NRG3: variants seen among roughly 807,000 people sequenced by gnomAD.
NRG3 encodes neuregulin 3.
A neutral mutation model predicts 66.9 loss-of-function variants in NRG3; 31 were observed. The observed-to-expected ratio is 0.46, with a 90% confidence interval of 0.35 to 0.63. NRG3 has a LOEUF of 0.63. Ranked by LOEUF, NRG3 falls within the 20% of genes least tolerant of loss-of-function variation. NRG3 has a pLI of 0.00. For missense variants in NRG3, 910 were observed against 878.9 expected, an observed-to-expected ratio of 1.04 and a Z score of -0.45; for synonymous variants, 393 against 359.4, an observed-to-expected ratio of 1.09 and a Z score of -1.06.
intron 1 of NRG3, among the ~76,000 whole-genome samples, chr10:81,984,104 G>T (rs1234118033): frequency 6.6e-6 from 1 of 152,198 alleles, no homozygotes; most frequent in Non-Finnish European, 1.5e-5. Context: ...AGCAGGGAAA[G>T]AGTCTCCCTT....
chr10:82,837,160 G>T (rs910796123), intron 3 of NRG3, among the ~76,000 whole-genome samples: 8 of 152,100 alleles, frequency 5.3e-5, no homozygotes, highest in Non-Finnish European at 1.0e-4. Flanking sequence ...CATTTGGCTT[G>T]GTTCCAAGTC....
chr10:82,131,860 T>C (rs1443364051), intron 1 of NRG3, among the ~76,000 whole-genome samples: 1 of 152,172 alleles, frequency 6.6e-6, no homozygotes, highest in Non-Finnish European at 1.5e-5. Flanking sequence ...ATAGAAATGC[T>C]ATTGATGTGT....
intron 7 of NRG3, among the ~76,000 whole-genome samples, chr10:82,975,187 T>A (rs1290277358): frequency 6.6e-6 from 1 of 152,194 alleles, no homozygotes; most frequent in African/African-American, 2.4e-5. Context: ...TTTTCTTAAT[T>A]AGGGAAATAA....
intron 2 of NRG3, among the ~76,000 whole-genome samples, chr10:82,661,469 TAC>T (rs1265061894): frequency 6.6e-6 from 1 of 152,148 alleles, no homozygotes; most frequent in South Asian, 2.1e-4. Context: ...TATATATATA[TAC>T]AGAGAGGCAT....
At chr10:82,021,584 C>G (rs1029993734) in intron 1 of NRG3, among the ~76,000 whole-genome samples, 1 of 152,098 alleles carries the variant, frequency 6.6e-6, no homozygotes, top group Non-Finnish European at 1.5e-5. Flanking sequence ...AGAACTGTGT[C>G]TCACTTCAAA....
chr10:82,377,087 G>A lies in NRG3; in HGVS notation c.953+18219G>A, dbSNP rs76963275. Among the ~76,000 whole-genome samples the A allele has an allele frequency of 5.4e-3, 817 of 152,238 alleles. 7 individuals carry two copies. Among genetic ancestry groups the A allele is most frequent in the African/African-American group, 0.019 (795 of 41,548 alleles). ...CTTATTATTTAATGCTTATGTCTTT[G>A]ATTGATGTATATTTTTTATATTCTT... is the stretch of plus-strand genomic sequence containing the variant. On this transcript the variant is annotated intron_variant, in intron 2 of 8. Coordinates refer to ENST00000372141, the MANE Select transcript of NRG3 (RefSeq NM_001010848.4).
intron 1 of NRG3, among the ~76,000 whole-genome samples, chr10:82,183,642 G>A (rs1589240774): frequency 6.6e-6 from 1 of 152,190 alleles, no homozygotes; most frequent in Admixed American, 6.6e-5. Flanking sequence ...GTCTAATGCA[G>A]TGGTTCTCAA....
chr10:82,899,121 T>C (rs1843964380), intron 4 of NRG3, among the ~76,000 whole-genome samples: 1 of 152,078 alleles, frequency 6.6e-6, no homozygotes, highest in South Asian at 2.1e-4. Context: ...AATTTATTCA[T>C]AGGGTCCCTA....
chr10:82,600,745 G>A (rs2047573800), intron 2 of NRG3, among the ~76,000 whole-genome samples: 1 of 152,104 alleles, frequency 6.6e-6, no homozygotes, highest in African/African-American at 2.4e-5. Flanking sequence ...TGGAATTACA[G>A]GCCTGAGCCA....
chr10:82,318,861 G>A (rs1236382972), intron 1 of NRG3, among the ~76,000 whole-genome samples: 2 of 152,154 alleles, frequency 1.3e-5, no homozygotes, highest in Non-Finnish European at 2.9e-5. Flanking sequence ...TTGAGTGGCA[G>A]CTCAATAAAT....
chr10:82,467,710 G>A (rs56304721), intron 2 of NRG3, among the ~76,000 whole-genome samples: 20,232 of 152,184 alleles, frequency 0.13, 1,503 homozygotes, highest in Admixed American at 0.21. Flanking sequence ...ATGAGCTAAG[G>A]CATTCATGCT....
At chr10:81,889,307 C>T in intron 1 of NRG3, 1 of 152,186 alleles carries the variant, frequency 6.6e-6, no homozygotes, top group Non-Finnish European at 1.5e-5. Flanking sequence ...GCTGACATCG[C>T]ATCAGATTCA....
intron 1 of NRG3, among the ~76,000 whole-genome samples, chr10:82,084,635 A>G (rs913970296): frequency 7.9e-5 from 12 of 152,020 alleles, no homozygotes; most frequent in Non-Finnish European, 1.0e-4. Context: ...TATTCTTGTC[A>G]TTATAATTTC....
chr10:82,822,886 G>C (rs1374538789), intron 3 of NRG3, among the ~76,000 whole-genome samples: 1 of 151,964 alleles, frequency 6.6e-6, no homozygotes, highest in African/African-American at 2.4e-5. Context: ...CTTCAAAATA[G>C]TGGTGTGAGG....
chr10:82,460,707 A>C (rs2091472354), intron 2 of NRG3, among the ~76,000 whole-genome samples: 2 of 152,106 alleles, frequency 1.3e-5, no homozygotes, highest in Admixed American at 1.3e-4. Flanking sequence ...AGAAGTTCCA[A>C]GGGAGCACAG....
chr10:82,094,880 A>T (rs948998811), intron 1 of NRG3, among the ~76,000 whole-genome samples: 7 of 152,130 alleles, frequency 4.6e-5, no homozygotes, highest in Non-Finnish European at 1.0e-4. Context: ...GACACTGGAG[A>T]CTCAGAAGGG....
chr10:82,861,586 G>A (rs528581805), intron 3 of NRG3, among the ~76,000 whole-genome samples: 13 of 152,238 alleles, frequency 8.5e-5, no homozygotes, highest in South Asian at 2.1e-4. Context: ...CACAAAGCCC[G>A]ATGCTCCATA....
At chr10:82,700,610 G>T (rs2055793698) in intron 2 of NRG3, among the ~76,000 whole-genome samples, 1 of 152,124 alleles carries the variant, frequency 6.6e-6, no homozygotes, top group Admixed American at 6.6e-5. Flanking sequence ...TAATTAGTAT[G>T]ATGTCAGCTG....
chr10:82,432,536 G>A (rs2089890537), intron 2 of NRG3, among the ~76,000 whole-genome samples: 1 of 149,068 alleles, frequency 6.7e-6, no homozygotes, highest in Non-Finnish European at 1.5e-5. Flanking sequence ...TGCAGATCGT[G>A]CAGGTTTGTT....
Sources: allele counts gnomAD v4.1 joint callset (sites outside exome capture counted in the v4.1 genomes callset), GRCh38; gene constraint gnomAD v4.1.1; transcripts MANE v1.5; gene names NCBI Gene and HGNC (gene_info 2026-07-23, HGNC 2026-07-21).